Variants in TOP3A observed in about 807,000 individuals in gnomAD.
The protein encoded by TOP3A is DNA topoisomerase III alpha, also known as DNA topoisomerase 3-alpha.
In TOP3A, 64 loss-of-function variants were observed where a neutral mutation model predicts 111.3. The observed-to-expected ratio is 0.57, with a 90% CI of 0.47 to 0.71. The LOEUF (loss-of-function observed/expected upper bound fraction) is 0.71, where lower values mean the gene tolerates loss of function less well. Ranked by LOEUF, TOP3A falls within the 30% of genes least tolerant of loss-of-function variation. TOP3A has a pLI of 0.00. For synonymous variants in TOP3A, 484 were observed against 485.1 expected (o/e 1.00, Z 0.03); for missense variants, 1,104 against 1,285.0 (o/e 0.86, Z 2.15).
Position 18,306,917 on chromosome 17 carries a change from A to C in TOP3A, c.364T>G (p.Cys122Gly). Reference protein sequence around the residue: ...VLFEAEIEKYCPENFVDIKKT... With the variant: ...VLFEAEIEKYGPENFVDIKKT... ...TTGATGTCTACAAAATTCTCTGGGCAGTACTTTTCAATTTCTGCTTCAAAG... is the reference window on the plus strand; with the variant it reads ...TTGATGTCTACAAAATTCTCTGGGCCGTACTTTTCAATTTCTGCTTCAAAG... The change falls in exon 4 of 19, where the codon TGC becomes GGC. Residue 122 changes from cysteine to glycine, a missense_variant. Physicochemically the swap from Cys to Gly is radical, Grantham distance 159. Coordinates refer to ENST00000321105, the MANE Select transcript of TOP3A (RefSeq NM_004618.5). The C allele has an allele frequency of 6.2e-7, 1 of 1,613,906 alleles. No individual in the cohort carries two copies. Among genetic ancestry groups the C allele is most frequent in the Non-Finnish European group, 8.5e-7 (1 of 1,179,812 alleles).
intron 9 of TOP3A, among the ~76,000 whole-genome samples, chr17:18,298,666 G>T (rs1236638851): frequency 6.6e-6 from 1 of 151,976 alleles, no homozygotes; most frequent in South Asian, 2.1e-4. Flanking sequence ...TGTCTGTGTA[G>T]AAAGAGGTAG....
chr17:18,301,735 G>A (rs1981237862), intron 8 of TOP3A, 150 bp downstream of exon 8: 2 of 616,432 alleles, frequency 3.2e-6, no homozygotes, highest in Non-Finnish European at 2.9e-6. Context: ...TTCTCATGGG[G>A]TTCGTCTTAT....
chr17:18,314,467 T>C (rs941088194), intron 1 of TOP3A, 132 bp downstream of exon 1: 2 of 1,042,836 alleles, frequency 1.9e-6, no homozygotes, highest in South Asian at 1.8e-5. Flanking sequence ...ACTGCAATAA[T>C]CCAGACGAGG....
At chr17:18,295,975 G>T (rs1407202506) in intron 9 of TOP3A, among the ~76,000 whole-genome samples, 5 of 149,606 alleles carry the variant, frequency 3.3e-5, no homozygotes, top group African/African-American at 4.9e-5. Flanking sequence ...CACCATGTTA[G>T]CCAGGATGGT....
Position 18,277,679 on chromosome 17 carries a change from A to T in TOP3A, c.2823T>A (p.Ala941=). The T allele has an allele frequency of 6.2e-7, 1 of 1,600,944 alleles. No homozygotes were observed. The highest frequency in any genetic ancestry group is 8.6e-7 in the Non-Finnish European group (1 of 1,169,194). The stretch of plus-strand genomic sequence containing the variant: ...CCATGCCCCTCCCTGCCTCACCTGG[A>T]GCGGTGTTCTCATCGACCCACTGGA... The part of the protein sequence containing the change: ...GFFQWVDENT[A]PGTSGAPSWT... The change falls in exon 18 of 19, where the codon GCT becomes GCA. Residue 941 remains alanine, a synonymous_variant. Coordinates refer to ENST00000321105, the MANE Select transcript of TOP3A (RefSeq NM_004618.5).
At chr17:18,286,144 G>A (rs1980080314) in intron 13 of TOP3A, among the ~76,000 whole-genome samples, 1 of 150,550 alleles carries the variant, frequency 6.6e-6, no homozygotes, top group Non-Finnish European at 1.5e-5. Flanking sequence ...AGGCTGCAAC[G>A]AGCTGAGATG....
rs1343379422 is a variant in TOP3A at position 18,271,833 on chromosome 17, C to A, written c.*2969G>T. 7.0e-6 allele frequency: 3 copies of A among 425,858 alleles called. No individual in the cohort carries two copies. The highest frequency in any genetic ancestry group is 1.4e-5 in the Non-Finnish European group (3 of 212,342). The allele number at this position is 425,858 out of a possible 1,614,324, so 26.4% of individuals were successfully genotyped here. A position where few individuals can be genotyped will look rare whatever the true frequency, so the allele number is the denominator to read the frequency against. On this transcript the variant is annotated 3_prime_UTR_variant, in exon 19 of 19. Coordinates refer to ENST00000321105, the MANE Select transcript of TOP3A (RefSeq NM_004618.5). ...ATCCTAGCACTTTGGGAGGCCGAGG[C>A]TGGTAGATCACCTGAGGTCACGAGT...
chr17:18,287,158 G>T (rs1980154506), intron 13 of TOP3A, among the ~76,000 whole-genome samples: 1 of 152,078 alleles, frequency 6.6e-6, no homozygotes, highest in African/African-American at 2.4e-5. Flanking sequence ...AACACTTTGG[G>T]AGGTTGAGGT....
intron 1 of TOP3A, among the ~76,000 whole-genome samples, chr17:18,310,370 G>T (rs939381872): frequency 6.6e-6 from 1 of 152,130 alleles, no homozygotes; most frequent in African/African-American, 2.4e-5. Context: ...TGGTTACAAT[G>T]AGCCGAGATC....
intron 9 of TOP3A, among the ~76,000 whole-genome samples, chr17:18,297,432 G>A (rs1262024568): frequency 2.3e-5 from 2 of 87,078 alleles, no homozygotes; most frequent in East Asian, 2.7e-4. Flanking sequence ...CCCTGTCCCT[G>A]TCCCTGTCCC....
intron 5 of TOP3A, among the ~76,000 whole-genome samples, chr17:18,303,358 C>T (rs1159551379): frequency 6.6e-6 from 1 of 152,130 alleles, no homozygotes; most frequent in South Asian, 2.1e-4. Flanking sequence ...GAAAGACTTA[C>T]AGCCCCCCAG....
chr17:18,310,630 G>A (rs946717572), intron 1 of TOP3A, among the ~76,000 whole-genome samples: 2 of 152,030 alleles, frequency 1.3e-5, no homozygotes, highest in African/African-American at 4.8e-5. Flanking sequence ...GAGGGTAAGG[G>A]GAGTGACTGC....
At chr17:18,302,862 G>A in intron 5 of TOP3A, 139 bp from the exon 6 acceptor site, 2 of 959,748 alleles carry the variant, frequency 2.1e-6, no homozygotes, top group Non-Finnish European at 3.0e-6. Flanking sequence ...TACCTATTAG[G>A]TTAAATCAAT....
rs769332335 is a variant in TOP3A at position 18,285,349 on chromosome 17, C to T, written c.1712-42G>A. 4.5e-5 allele frequency: 73 copies of T among 1,612,902 alleles called. No homozygotes were observed. The Admixed American group carries it at 7.8e-4, about 17-fold the overall frequency. On this transcript the variant is annotated intron_variant, in intron 14 of 18. Coordinates refer to ENST00000321105, the MANE Select transcript of TOP3A (RefSeq NM_004618.5). The stretch of plus-strand genomic sequence containing the variant: ...GAGCTCAGTGAGGGCCCACCTGAGA[C>T]CCTCAGGGACTTGGGCGACACCACC...
Position 18,306,977 on chromosome 17 carries a change from A to G in TOP3A, c.315-11T>C. ...GGGTTGCAGCTCTGCCTAGAAAAGA[A>G]ATGAAAACAGAGTCCCAACTCAGTA... is the stretch of plus-strand genomic sequence containing the variant. On this transcript the variant is annotated splice_polypyrimidine_tract_variant and intron_variant, in intron 3 of 18. Coordinates refer to ENST00000321105, the MANE Select transcript of TOP3A (RefSeq NM_004618.5). 6.2e-7 allele frequency: 1 copy of G among 1,604,340 alleles called. No homozygotes were observed. Among genetic ancestry groups the G allele is most frequent in the Admixed American group, 1.7e-5 (1 of 59,930 alleles).
rs1982138899 is a variant in TOP3A at position 18,314,653 on chromosome 17, T to C, written c.126A>G (p.Lys42=). Residue 42 remains lysine (K), a synonymous_variant, in exon 1 of 19, where the codon AAA becomes AAG. Coordinates refer to ENST00000321105, the MANE Select transcript of TOP3A (RefSeq NM_004618.5). ...CGGCGATCCCCTTGGCCGCGTCGTTTTTTTCGGCCACACAGAGGACTTTCC... is the reference window on the plus strand; with the variant it reads ...CGGCGATCCCCTTGGCCGCGTCGTTCTTTTCGGCCACACAGAGGACTTTCC... ...GVRKVLCVAE[K]NDAAKGIADL... is the part of the protein sequence containing the mutation. 5 of 1,613,392 alleles carry C rather than the reference T, an allele frequency of 3.1e-6. No homozygotes were observed. The highest frequency in any genetic ancestry group is 4.2e-6 in the Non-Finnish European group (5 of 1,179,696).
chr17:18,300,034 A>G (rs766549588), intron 8 of TOP3A, among the ~76,000 whole-genome samples: 1 of 152,186 alleles, frequency 6.6e-6, no homozygotes, highest in Non-Finnish European at 1.5e-5. Flanking sequence ...GGCTCAAGCA[A>G]TACTCCCATA....
Position 18,302,432 on chromosome 17 carries a change from C to G in TOP3A, c.646G>C (p.Ala216Pro). ...VRQELDLRIG[A>P]AFTRFQTLRL... ...AGGGTCTGGAACCTAGTAAAGGCAG[C>G]TCCTGGAGAGTGAAGGAGAGTGAAG... The change falls in exon 7 of 19, where the codon GCT becomes CCT. Residue 216 changes from alanine to proline, a missense_variant and splice_region_variant. Coordinates refer to ENST00000321105, the MANE Select transcript of TOP3A (RefSeq NM_004618.5). 6.3e-7 allele frequency: 1 copy of G among 1,593,600 alleles called. No individual in the cohort carries two copies. The highest frequency in any genetic ancestry group is 8.5e-7 in the Non-Finnish European group (1 of 1,170,584).
chr17:18,295,439 C>T (rs1597972935), intron 9 of TOP3A, among the ~76,000 whole-genome samples: 1 of 151,766 alleles, frequency 6.6e-6, no homozygotes, highest in African/African-American at 2.4e-5. Flanking sequence ...TGAGCCACCA[C>T]GTCTGGCCAA....
Sources: gnomAD v4.1 joint callset for allele counts (sites outside exome capture counted in the v4.1 genomes callset) on GRCh38, gnomAD v4.1.1 for gene constraint, MANE v1.5 for transcripts, NCBI Gene and HGNC (gene_info 2026-07-23, HGNC 2026-07-21) for gene names.